Variants in CAMTA1 observed in about 807,000 individuals in gnomAD.
CAMTA1 encodes the protein calmodulin-binding transcription activator 1.
Under a neutral mutation model 170.9 loss-of-function variants are expected in CAMTA1, and 27 were observed. That is an observed-to-expected ratio of 0.16 (90% confidence interval 0.12 to 0.22). CAMTA1 has a LOEUF of 0.22. Ranked by LOEUF, CAMTA1 falls within the 10% of genes least tolerant of loss-of-function variation. The probability of loss-of-function intolerance (pLI) is 1.00; values close to 1 mark genes in which losing one functional copy is unlikely to be tolerated. For missense variants in CAMTA1, 1,619 were observed against 2,217.2 expected, an observed-to-expected ratio of 0.73 and a Z score of 5.42; for synonymous variants, 833 against 891.5, an observed-to-expected ratio of 0.93 and a Z score of 1.17.
At position 7,067,737 on chromosome 1, in the gene CAMTA1, C is replaced by A. The variant is rs1266662443; in HGVS notation, c.235-23567C>A. 2.0e-5 allele frequency among the ~76,000 whole-genome samples: 3 copies of A among 152,168 alleles called. No individual in the cohort carries two copies. The highest frequency in any genetic ancestry group is 4.4e-5 in the Non-Finnish European group (3 of 68,032). On this transcript the variant is annotated intron_variant, in intron 3 of 22. Transcript: ENST00000303635. The surrounding 1 kb of genome is among the most constrained non-coding windows in gnomAD (Gnocchi z 4.3). ...CCGTCTTATTTCTTGCCGACAGGACCTTGACTGTGTTCAGGTGTCAGTGGC... is the reference window on the plus strand; with the variant it reads ...CCGTCTTATTTCTTGCCGACAGGACATTGACTGTGTTCAGGTGTCAGTGGC...
chr1:7,498,414 TGA>T (rs1178682111), intron 6 of CAMTA1, among the ~76,000 whole-genome samples: 1 of 150,068 alleles, frequency 6.7e-6, no homozygotes, highest in African/African-American at 2.4e-5. Context: ...TGAGTGTGTA[TGA>T]GTGTGTGGAT....
At chr1:6,997,299 G>A (rs1183071204) in intron 3 of CAMTA1, among the ~76,000 whole-genome samples, 1 of 151,962 alleles carries the variant, frequency 6.6e-6, no homozygotes, top group African/African-American at 2.4e-5. Flanking sequence ...TTTGTGAGGG[G>A]ATGCGTTAAA....
At chr1:7,086,687 C>T (rs1264519519) in intron 3 of CAMTA1, among the ~76,000 whole-genome samples, 3 of 152,172 alleles carry the variant, frequency 2.0e-5, no homozygotes, top group Non-Finnish European at 4.4e-5. Context: ...CATGCCTGGC[C>T]TCTTCCACTC....
chr1:6,897,404 A>G (rs1309314331), intron 3 of CAMTA1, among the ~76,000 whole-genome samples: 1 of 152,190 alleles, frequency 6.6e-6, no homozygotes, highest in African/African-American at 2.4e-5. Context: ...TTGGAAGTCC[A>G]TGTCAGTCAT....
intron 3 of CAMTA1, among the ~76,000 whole-genome samples, chr1:6,884,240 G>A (rs1250146048): frequency 6.7e-6 from 1 of 150,188 alleles, no homozygotes; most frequent in Non-Finnish European, 1.5e-5. Flanking sequence ...TGCTTCGATG[G>A]CTGAACCTAG....
chr1:7,416,059 C>CT (rs1417656994), intron 5 of CAMTA1, among the ~76,000 whole-genome samples: 5 of 151,972 alleles, frequency 3.3e-5, no homozygotes, highest in Admixed American at 6.6e-5. Context: ...GTTGAAAATT[C>CT]TTTTTTTTAA....
intron 5 of CAMTA1, among the ~76,000 whole-genome samples, chr1:7,308,234 CTTCT>C (rs1239957096): frequency 7.4e-6 from 1 of 134,444 alleles, no homozygotes; most frequent in Non-Finnish European, 1.6e-5. Context: ...TAGGTTTTGT[CTTCT>C]TTCTTTTTCC....
intron 5 of CAMTA1, among the ~76,000 whole-genome samples, chr1:7,386,336 G>A (rs1055058065): frequency 6.6e-5 from 10 of 152,224 alleles, no homozygotes; most frequent in African/African-American, 2.2e-4. Flanking sequence ...TCACCCAGCT[G>A]AGCTGTACAG....
intron 6 of CAMTA1, among the ~76,000 whole-genome samples, chr1:7,527,010 C>T (rs1026941859): frequency 1.3e-5 from 2 of 152,122 alleles, no homozygotes; most frequent in East Asian, 1.9e-4. Flanking sequence ...TCTCCACCCC[C>T]ACGGCTATCA....
intron 1 of CAMTA1, among the ~76,000 whole-genome samples, chr1:6,800,701 C>G (rs1643666775): frequency 6.6e-6 from 1 of 152,130 alleles, no homozygotes; most frequent in Admixed American, 6.5e-5. Context: ...AATGAAGACT[C>G]TTCCTATTTA....
At chr1:7,342,223 T>G (rs950551145) in intron 5 of CAMTA1, among the ~76,000 whole-genome samples, 1 of 152,010 alleles carries the variant, frequency 6.6e-6, no homozygotes, top group Admixed American at 6.5e-5. Flanking sequence ...CCACATGACC[T>G]CAGAAGAGCT....
intron 6 of CAMTA1, among the ~76,000 whole-genome samples, chr1:7,572,672 T>C (rs1467040854): frequency 6.6e-6 from 1 of 152,172 alleles, no homozygotes; most frequent in Non-Finnish European, 1.5e-5. Context: ...TTCCCATTCA[T>C]GTGAGCTCCA....
Position 7,609,263 on chromosome 1 carries a change from A to T in CAMTA1, c.511-31137A>T, listed in dbSNP as rs1184599710. Among the ~76,000 whole-genome samples, 1 of 152,006 alleles carries T rather than the reference A, an allele frequency of 6.6e-6. No individual in the cohort carries two copies. Among genetic ancestry groups the T allele is most frequent in the African/African-American group, 2.4e-5 (1 of 41,386 alleles). On this transcript the variant is annotated intron_variant, in intron 6 of 22. Coordinates refer to ENST00000303635, the MANE Select transcript of CAMTA1 (RefSeq NM_015215.4). This position sits in a 1 kb window ranked among gnomAD's most constrained non-coding sequence, Gnocchi z 4.4. Reference sequence around the variant, plus strand: ...TTTTTTTAATGTTTAAAAATTCCCCACAGCATGGCAGGTGCCCGGCTGCTG... The same window carrying T: ...TTTTTTTAATGTTTAAAAATTCCCCTCAGCATGGCAGGTGCCCGGCTGCTG...
chr1:7,629,554 T>G (rs1343233005), intron 6 of CAMTA1, among the ~76,000 whole-genome samples: 1 of 152,260 alleles, frequency 6.6e-6, no homozygotes, highest in Non-Finnish European at 1.5e-5. Context: ...TATTCTTAGC[T>G]TTCATGGATC....
chr1:7,132,327 C>T (rs1490386929), intron 4 of CAMTA1, among the ~76,000 whole-genome samples: 1 of 152,152 alleles, frequency 6.6e-6, no homozygotes, highest in African/African-American at 2.4e-5. Flanking sequence ...GGCTGGAGTG[C>T]AGTGGTGTGT....
chr1:7,040,605 A>G (rs939099101), intron 3 of CAMTA1, among the ~76,000 whole-genome samples: 1 of 152,132 alleles, frequency 6.6e-6, no homozygotes, highest in African/African-American at 2.4e-5. Context: ...TGTACCCGTA[A>G]GCAGGGAGTC....
At chr1:7,192,773 G>A (rs1019055811) in intron 4 of CAMTA1, among the ~76,000 whole-genome samples, 1 of 152,218 alleles carries the variant, frequency 6.6e-6, no homozygotes, top group Admixed American at 6.5e-5. Context: ...AGGTTACATT[G>A]TGAGTCAATG....
intron 11 of CAMTA1, among the ~76,000 whole-genome samples, chr1:7,705,217 T>G (rs2096500287): frequency 7.0e-6 from 1 of 143,680 alleles, no homozygotes; most frequent in African/African-American, 2.6e-5. Flanking sequence ...GGAGTGAGTG[T>G]GAGGAGCAAG....
chr1:7,308,085 T>A (rs1675868925), intron 5 of CAMTA1, among the ~76,000 whole-genome samples: 1 of 151,926 alleles, frequency 6.6e-6, no homozygotes, highest in Admixed American at 6.5e-5. Context: ...CTGGGTGCAT[T>A]TTGGTAGTTT....
Sources: allele counts gnomAD v4.1 joint callset (sites outside exome capture counted in the v4.1 genomes callset), GRCh38; gene constraint gnomAD v4.1.1; non-coding constraint Gnocchi (gnomAD v3.1); transcripts MANE v1.5; gene names NCBI Gene and HGNC (gene_info 2026-07-23, HGNC 2026-07-21).